Variants in ATG4A observed in about 807,000 individuals in gnomAD.
ATG4A encodes cysteine protease ATG4A.
Under a neutral mutation model 38.4 loss-of-function variants are expected in ATG4A, and 22 were observed. The observed-to-expected ratio is 0.57, with a 90% CI of 0.41 to 0.82. The LOEUF (loss-of-function observed/expected upper bound fraction) is 0.82, where lower values mean the gene tolerates loss of function less well. Among genes scored for constraint, ATG4A ranks in the 40% least tolerant of loss-of-function variants. The pLI, the probability that ATG4A is intolerant of heterozygous loss-of-function variation, is 0.00. For missense variants in ATG4A, 220 were observed against 290.0 expected (o/e 0.76, Z 1.75); for synonymous variants, 86 against 100.7 (o/e 0.85, Z 0.88).
intron 1 of ATG4A, among the ~76,000 whole-genome samples, chrX:108,104,577 C>T (rs1325970972): frequency 9.0e-6 from 1 of 111,170 alleles, no homozygotes; most frequent in Non-Finnish European, 1.9e-5. Context: ...AAAATTCTTT[C>T]TTTGTCTTGG....
At chrX:108,143,555 A>G (rs2033354529) in intron 9 of ATG4A, among the ~76,000 whole-genome samples, 1 of 111,811 alleles carries the variant, frequency 8.9e-6, no homozygotes, top group Non-Finnish European at 1.9e-5. Context: ...AGTCCAAGTC[A>G]GTCACCCCAA....
chrX:108,109,161 A>G (rs1373233690), intron 1 of ATG4A, among the ~76,000 whole-genome samples: 1 of 111,842 alleles, frequency 8.9e-6, no homozygotes, highest in African/African-American at 3.2e-5. Flanking sequence ...CCATATCCTT[A>G]TCAACCCTTA....
Position 108,134,388 on chromosome X carries a change from A to C in ATG4A, c.444A>C (p.Pro148=). 2 of 1,211,124 alleles carry C rather than the reference A, an allele frequency of 1.7e-6. No homozygotes were observed. The highest frequency in any genetic ancestry group is 2.2e-6 in the Non-Finnish European group (2 of 894,912). The part of the protein sequence containing the change: ...EGKSIGEWFG[P]NTVAQVLKKL... ...AATCAATTGGAGAATGGTTTGGACC[A>C]AATACAGTTGCACAGGTGTTAAAGT... is the stretch of plus-strand genomic sequence containing the variant. Residue 148 remains proline, a synonymous_variant, in exon 6 of 13, where the codon CCA becomes CCC. Coordinates refer to ENST00000372232, the MANE Select transcript of ATG4A (RefSeq NM_052936.5).
chrX:108,130,980 G>A, intron 3 of ATG4A, among the ~76,000 whole-genome samples: 1 of 111,609 alleles, frequency 9.0e-6, no homozygotes, highest in Non-Finnish European at 1.9e-5. Context: ...TACCAAAATT[G>A]CATGTATACC....
chrX:108,119,547 T>C (rs1448429182), intron 1 of ATG4A, among the ~76,000 whole-genome samples: 1 of 112,124 alleles, frequency 8.9e-6, no homozygotes, highest in Non-Finnish European at 1.9e-5. Flanking sequence ...AAATGCTGAT[T>C]GCAACCCCCT....
intron 9 of ATG4A, chrX:108,143,727 G>T: frequency 4.1e-6 from 1 of 243,657 alleles, no homozygotes; most frequent in Non-Finnish European, 7.7e-6. Flanking sequence ...AGAACGTAAT[G>T]TCGGGGGAAC....
chrX:108,113,600 C>A (rs902687048), intron 1 of ATG4A, among the ~76,000 whole-genome samples: 4 of 110,945 alleles, frequency 3.6e-5, no homozygotes, highest in African/African-American at 1.3e-4. Flanking sequence ...AAAGACATAC[C>A]CGAGACTGCG....
chrX:108,089,786 C>T (rs1486506752), upstream of ATG4A, among the ~76,000 whole-genome samples: 1 of 110,857 alleles, frequency 9.0e-6, no homozygotes, highest in East Asian at 2.8e-4. Context: ...TGAGGTGATA[C>T]GGCACCACTG....
chrX:108,104,436 T>G (rs1321782643), intron 1 of ATG4A, among the ~76,000 whole-genome samples: 2 of 108,920 alleles, frequency 1.8e-5, no homozygotes, highest in Non-Finnish European at 3.8e-5. Context: ...GTTGGCAGGT[T>G]TTTTTTTTTT....
intron 1 of ATG4A, among the ~76,000 whole-genome samples, chrX:108,098,139 G>A (rs1327466863): frequency 9.0e-6 from 1 of 111,312 alleles, no homozygotes; most frequent in Non-Finnish European, 1.9e-5. Context: ...AGGCCCTGGT[G>A]TGTGCTGTGG....
chrX:108,123,075 G>A (rs977662020), intron 1 of ATG4A, among the ~76,000 whole-genome samples: 1 of 111,801 alleles, frequency 8.9e-6, no homozygotes, highest in Admixed American at 9.5e-5. Flanking sequence ...GAGGCTTTTT[G>A]TTTCCAGGAA....
intron 1 of ATG4A, among the ~76,000 whole-genome samples, chrX:108,101,444 T>G (rs1274837699): frequency 9.3e-6 from 1 of 108,070 alleles, no homozygotes; most frequent in Admixed American, 1.0e-4. Context: ...TAATTTGCTC[T>G]TACTTTTCTA....
chrX:108,151,010 A>G (rs766405580), intron 10 of ATG4A, among the ~76,000 whole-genome samples: 1 of 112,503 alleles, frequency 8.9e-6, no homozygotes, highest in South Asian at 3.7e-4. Flanking sequence ...TAAGCATTCT[A>G]TAAATGTTAG....
intron 9 of ATG4A, chrX:108,143,844 A>G: frequency 7.5e-6 from 1 of 133,305 alleles, no homozygotes; most frequent in Non-Finnish European, 1.5e-5. Flanking sequence ...TATGAGAGAA[A>G]GAGTACCATA....
At chrX:108,109,635 A>T (rs2032298183) in intron 1 of ATG4A, among the ~76,000 whole-genome samples, 1 of 112,059 alleles carries the variant, frequency 8.9e-6, no homozygotes, top group Non-Finnish European at 1.9e-5. Context: ...TTTAATCTAT[A>T]TTGAGTTAAT....
chrX:108,112,854 C>T (rs1235824412), intron 1 of ATG4A, among the ~76,000 whole-genome samples: 2 of 111,111 alleles, frequency 1.8e-5, no homozygotes, highest in Admixed American at 9.5e-5. Flanking sequence ...GGTCCCCGAA[C>T]ATTTAGTCTG....
In ATG4A at chrX:108,091,844, G is replaced by T; in HGVS notation, c.10+8G>T. ...GCTGGAGAATGGAGTCAGGTACGGG[G>T]AGCGGCTTTGAGTGGAACCGTGTGA... On this transcript the variant is annotated splice_region_variant and intron_variant, in intron 1 of 12. Transcript: ENST00000372232. 2 of 1,211,469 alleles carry T rather than the reference G, an allele frequency of 1.7e-6. No homozygotes were observed. Among genetic ancestry groups the T allele is most frequent in the Non-Finnish European group, 2.2e-6 (2 of 895,391 alleles).
chrX:108,150,103 G>GA, intron 9 of ATG4A, 49 bp from the exon 10 acceptor site: 1 of 1,194,702 alleles, frequency 8.4e-7, no homozygotes, highest in African/African-American at 1.7e-5. Context: ...ACAGCAGTGG[G>GA]CCAGGACCGG....
Position 108,151,943 on chromosome X carries a change from A to T in ATG4A, c.1017+85A>T, listed in dbSNP as rs1256073842. Reference sequence around the variant, plus strand: ...AAGATTGTTTTTCATAGTAAAAAAAAATCCTACTCTGATACGACTTTACTG... The same window carrying T: ...AAGATTGTTTTTCATAGTAAAAAAATATCCTACTCTGATACGACTTTACTG... On this transcript the variant is annotated intron_variant, in intron 11 of 12. Coordinates refer to ENST00000372232, the MANE Select transcript of ATG4A (RefSeq NM_052936.5). The T allele has an allele frequency of 7.8e-6, 7 of 893,999 alleles. No individual in the cohort carries two copies. The Admixed American group carries it at 1.6e-4, about 20-fold the overall frequency. The allele number at this position is 893,999 out of a possible 1,213,427, so 73.7% of individuals were successfully genotyped here.
Sources: gnomAD v4.1 joint callset for allele counts (sites outside exome capture counted in the v4.1 genomes callset) on GRCh38, gnomAD v4.1.1 for gene constraint, MANE v1.5 for transcripts, NCBI Gene and HGNC (gene_info 2026-07-23, HGNC 2026-07-21) for gene names.